IL3RA: variants seen among roughly 807,000 people sequenced by gnomAD.
The protein encoded by IL3RA is interleukin-3 receptor subunit alpha.
A neutral mutation model predicts 52.3 loss-of-function variants in IL3RA; 73 were observed. The observed-to-expected ratio is 1.40, with a 90% confidence interval of 1.16 to 1.70. The LOEUF (loss-of-function observed/expected upper bound fraction) is 1.70. Among genes scored for constraint, IL3RA ranks in the 40% most tolerant of loss-of-function variants. The pLI is 0.00. For synonymous variants in IL3RA, 260 were observed against 194.0 expected, an observed-to-expected ratio of 1.34 and a Z score of -2.83; for missense variants, 664 against 504.4, an observed-to-expected ratio of 1.32 and a Z score of -3.03.
rs770617483 is a variant in IL3RA at position 1,348,512 on chromosome X, C to T, written c.265C>T (p.Pro89Ser). 2 of 1,613,786 alleles carry T rather than the reference C, an allele frequency of 1.2e-6. No homozygotes were observed. Among genetic ancestry groups the T allele is most frequent in the Non-Finnish European group, 1.7e-6 (2 of 1,179,742 alleles). ...TNYTVRVANP[P>S]FSTWILFPEN... is the part of the protein sequence containing the mutation. ...CTACACCGTCCGAGTGGCCAACCCA[C>T]CATTCTCCACGTGGATCCTCTTCCC... The change falls in exon 4 of 12, where the codon CCA becomes TCA. Residue 89 changes from proline (P) to serine (S), a missense_variant. Transcript: ENST00000331035.
rs780895095 is a variant in IL3RA at position 1,382,439 on chromosome X, G to A, written c.1111G>A (p.Glu371Lys). Reference sequence around the variant, plus strand: ...CGGCCTGGAGGAGTGTCTGGTGACTGAAGTACAGGTCGTGCAGAAAACTTG... The same window carrying A: ...CGGCCTGGAGGAGTGTCTGGTGACTAAAGTACAGGTCGTGCAGAAAACTTG... The part of the protein sequence containing the change: ...KAGLEECLVT[E>K]VQVVQKT Residue 371 changes from glutamate to lysine, a missense_variant, in exon 12 of 12, where the codon GAA becomes AAA. Glu to Lys is a moderately conservative substitution (Grantham distance 56). Transcript: ENST00000331035. The A allele has an allele frequency of 6.2e-7, 1 of 1,613,944 alleles. No individual in the cohort carries two copies. The highest frequency in any genetic ancestry group is 8.5e-7 in the Non-Finnish European group (1 of 1,179,852).
rs1250511581 is a variant in IL3RA at position 1,378,542 on chromosome X, G to A, written c.875-117G>A. 7.0e-6 allele frequency: 6 copies of A among 852,348 alleles called. No homozygotes were observed. The Admixed American group carries it at 8.7e-5, about 12-fold the overall frequency. The allele number at this position is 852,348 out of a possible 1,614,324, so 52.8% of individuals were successfully genotyped here. On this transcript the variant is annotated intron_variant, in intron 9 of 11. Coordinates refer to ENST00000331035, the MANE Select transcript of IL3RA (RefSeq NM_002183.4). The stretch of plus-strand genomic sequence containing the variant: ...GGCACTACTGGGGTGTCCCCCCCTG[G>A]ACGCCACCCCATATGGCAGCCACCT...
intron 2 of IL3RA, among the ~76,000 whole-genome samples, chrX:1,344,951 A>C (rs1167725471): frequency 6.7e-5 from 10 of 150,216 alleles, no homozygotes; most frequent in African/African-American, 2.4e-4. Flanking sequence ...TCATGAGGTC[A>C]GGAGATCGAG....
At chrX:1,362,888 G>T (rs1412127492) in intron 8 of IL3RA, among the ~76,000 whole-genome samples, 1 of 152,000 alleles carries the variant, frequency 6.6e-6, no homozygotes, top group African/African-American at 2.4e-5. Flanking sequence ...CGATTCCCCT[G>T]CCTCAGCCTC....
intron 1 of IL3RA, 89 bp from the exon 2 acceptor site, chrX:1,341,639 C>T (rs1370786121): frequency 5.2e-6 from 5 of 968,698 alleles, no homozygotes; most frequent in Non-Finnish European, 8.1e-6. Context: ...GCTGTGAGCA[C>T]CAGGCTCTGG....
chrX:1,365,246 C>G lies in IL3RA; in HGVS notation c.868C>G (p.Arg290Gly), dbSNP rs1289152868. The G allele has an allele frequency of 6.3e-7, 1 of 1,586,592 alleles. No homozygotes were observed. The highest frequency in any genetic ancestry group is 1.4e-5 in the African/African-American group (1 of 73,398). ...CTTGAGCGCCTGGAGCACCCCCCAG[C>G]GCTTCGGTGAGTGGGCTGTGCGGGG... ...EFLSAWSTPQ[R>G]FECDQEEGAN... Residue 290 changes from arginine to glycine, a missense_variant, in exon 9 of 12, where the codon CGC becomes GGC. By Grantham distance (125) the Arg-to-Gly change is moderately radical (BLOSUM62 -2). Transcript: ENST00000331035.
intron 1 of IL3RA, among the ~76,000 whole-genome samples, chrX:1,338,710 A>C (rs1170306324): frequency 6.6e-6 from 1 of 152,196 alleles, no homozygotes; most frequent in African/African-American, 2.4e-5. Flanking sequence ...AAAGTGGATG[A>C]GTGGTTGCCA....
chrX:1,362,810 C>G (rs2087561050), intron 8 of IL3RA, among the ~76,000 whole-genome samples: 1 of 152,018 alleles, frequency 6.6e-6, no homozygotes, highest in Non-Finnish European at 1.5e-5. Flanking sequence ...GAGTCTCGCT[C>G]TGTCACCCAG....
intron 10 of IL3RA, among the ~76,000 whole-genome samples, chrX:1,379,922 G>T (rs1378760309): frequency 6.6e-6 from 1 of 152,164 alleles, no homozygotes; most frequent in East Asian, 1.9e-4. Flanking sequence ...CACCACGCCT[G>T]GCTAATTTTG....
At chrX:1,355,736 G>A (rs1267422588) in intron 6 of IL3RA, among the ~76,000 whole-genome samples, 1 of 151,938 alleles carries the variant, frequency 6.6e-6, no homozygotes, top group Non-Finnish European at 1.5e-5. Context: ...AAGTGTAGGA[G>A]TCTGCATCTT....
At chrX:1,345,006 CAAAAAAAA>C (rs59723587) in intron 2 of IL3RA, among the ~76,000 whole-genome samples, 3 of 138,798 alleles carry the variant, frequency 2.2e-5, no homozygotes, top group Admixed American at 7.4e-5. Flanking sequence ...ACTAAAAATA[CAAAAAAAA>C]AAAAATTAGC....
intron 9 of IL3RA, 79 bp downstream of exon 9, chrX:1,365,331 G>A (rs868705182): frequency 2.0e-5 from 14 of 703,194 alleles, no homozygotes; most frequent in Admixed American, 1.5e-4. Flanking sequence ...CGGGGTGAGC[G>A]GGGTGCGCGG....
At position 1,359,604 on chromosome X, in the gene IL3RA, T is replaced by C. The variant is rs768746075; in HGVS notation, c.759+717T>C. Reference sequence around the variant, plus strand: ...TGTCCCCATCTCTCTCTGTGTCTCTTTCCCTCCCTCTCTCATTCTCCTTCC... The same window carrying C: ...TGTCCCCATCTCTCTCTGTGTCTCTCTCCCTCCCTCTCTCATTCTCCTTCC... On this transcript the variant is annotated intron_variant, in intron 8 of 11. Transcript: ENST00000331035. Among the ~76,000 whole-genome samples, 6 of 143,718 alleles carry C rather than the reference T, an allele frequency of 4.2e-5. No individual in the cohort carries two copies. The East Asian group carries it at 1.1e-3, about 26-fold the overall frequency. The allele number at this position is 143,718 out of a possible 152,430, so 94.3% of individuals were successfully genotyped here. A position where few individuals can be genotyped will look rare whatever the true frequency, so the allele number is the denominator to read the frequency against.
intron 2 of IL3RA, among the ~76,000 whole-genome samples, chrX:1,343,062 G>C (rs769083911): frequency 5.3e-5 from 8 of 151,784 alleles, no homozygotes; most frequent in Non-Finnish European, 8.8e-5. Context: ...GCGACAGAGT[G>C]AGACTCCGTC....
chrX:1,342,726 A>G (rs73624882), intron 2 of IL3RA, among the ~76,000 whole-genome samples: 33,067 of 150,366 alleles, frequency 0.22, 3,809 homozygotes, highest in Middle Eastern at 0.35. Context: ...ACGCCCAGCT[A>G]ATTTTTCTGT....
chrX:1,352,420 C>G lies in IL3RA; in HGVS notation c.530C>G (p.Ser177Cys). ...GACATCTCTCGACTCTCCAGCGGTT[C>G]TCAAAGTTCCCACATCCTGGTGCGG... Reference protein sequence around the residue: ...FDDISRLSSGSQSSHILVRGR... With the variant: ...FDDISRLSSGCQSSHILVRGR... The change falls in exon 6 of 12, where the codon TCT (serine) becomes TGT (cysteine). Residue 177 changes from serine (S) to cysteine (C), a missense_variant. Physicochemically the swap from Ser to Cys is moderately radical, Grantham distance 112. Coordinates refer to ENST00000331035, the MANE Select transcript of IL3RA (RefSeq NM_002183.4). 1 of 1,613,884 alleles carries G rather than the reference C, an allele frequency of 6.2e-7. No individual in the cohort carries two copies. Among genetic ancestry groups the G allele is most frequent in the Non-Finnish European group, 8.5e-7 (1 of 1,179,860 alleles).
intron 6 of IL3RA, among the ~76,000 whole-genome samples, chrX:1,355,424 G>T (rs2086625117): frequency 8.7e-6 from 1 of 114,828 alleles, no homozygotes; most frequent in Non-Finnish European, 1.8e-5. Context: ...GGGGGAGGAG[G>T]GGAGGGGAGG....
chrX:1,368,817 A>G (rs1437561486), intron 9 of IL3RA, among the ~76,000 whole-genome samples: 1 of 87,350 alleles, frequency 1.1e-5, no homozygotes, highest in Non-Finnish European at 2.1e-5. Flanking sequence ...TGGGAGAATC[A>G]ATGTGTTTTG....
intron 3 of IL3RA, among the ~76,000 whole-genome samples, chrX:1,348,156 GA>G (rs1187049327): frequency 6.6e-6 from 1 of 150,562 alleles, no homozygotes; most frequent in East Asian, 1.9e-4. Flanking sequence ...AGACCAGCCT[GA>G]CCAACATGGT....
Sources: allele counts gnomAD v4.1 joint callset (sites outside exome capture counted in the v4.1 genomes callset), GRCh38; gene constraint gnomAD v4.1.1; transcripts MANE v1.5; gene names NCBI Gene and HGNC (gene_info 2026-07-23, HGNC 2026-07-21).